Variants in ZC2HC1A observed in about 807,000 individuals in gnomAD.
ZC2HC1A encodes the protein zinc finger C2HC domain-containing protein 1A.
ZC2HC1A carries 28 observed loss-of-function variants against 40.7 expected under a neutral mutation model. That is an observed-to-expected ratio of 0.69 (90% CI 0.51 to 0.94). The LOEUF (loss-of-function observed/expected upper bound fraction) is 0.94, where lower values mean the gene tolerates loss of function less well. Among genes scored for constraint, ZC2HC1A ranks in the 40% least tolerant of loss-of-function variants. ZC2HC1A has a pLI of 0.00. For synonymous variants in ZC2HC1A, 129 were observed against 129.2 expected (o/e 1.00, Z 0.01); for missense variants, 389 against 386.3 (o/e 1.01, Z -0.06).
At chr8:78,716,012 C>G (rs1049361399) in intron 8 of ZC2HC1A, among the ~76,000 whole-genome samples, 6 of 144,396 alleles carry the variant, frequency 4.2e-5, no homozygotes, top group African/African-American at 7.7e-5. Context: ...TGCACTCCAG[C>G]CTCAGTGACA....
rs9298317 is a variant in ZC2HC1A, at chr8:78,719,524, T to C, written c.*2031T>C. On this transcript the variant is annotated 3_prime_UTR_variant, in exon 9 of 9. Coordinates refer to ENST00000263849, the MANE Select transcript of ZC2HC1A (RefSeq NM_016010.3). ...TGCAATAGTTCAGTTTTAAAAAAAA[T>C]CTTCCTATGCATCATGTATTTTATT... 9.9e-5 allele frequency: 15 copies of C among 151,810 alleles called. No individual in the cohort carries two copies. The highest frequency in any genetic ancestry group is 3.6e-4 in the African/African-American group (15 of 41,434). 9.4% of individuals were successfully genotyped at this position (151,810 alleles called of 1,614,324 possible).
chr8:78,712,070 G>A, intron 7 of ZC2HC1A: 1 of 1,289,552 alleles, frequency 7.8e-7, no homozygotes, highest in South Asian at 1.2e-5. Context: ...AAATCAGACA[G>A]TGCCATCAAA....
At chr8:78,681,716 A>G (rs981093137) in intron 3 of ZC2HC1A, among the ~76,000 whole-genome samples, 2 of 152,074 alleles carry the variant, frequency 1.3e-5, no homozygotes, top group African/African-American at 4.8e-5. Flanking sequence ...AAAATAAATG[A>G]CATTTTGATT....
intron 7 of ZC2HC1A, among the ~76,000 whole-genome samples, chr8:78,708,163 C>T (rs1810838013): frequency 6.6e-6 from 1 of 152,092 alleles, no homozygotes; most frequent in Non-Finnish European, 1.5e-5. Flanking sequence ...TGAATTAAGA[C>T]ATTTGGTCAG....
intron 7 of ZC2HC1A, among the ~76,000 whole-genome samples, chr8:78,705,449 C>T (rs1251759296): frequency 1.3e-5 from 2 of 152,310 alleles, no homozygotes; most frequent in African/African-American, 2.4e-5. Context: ...TGCCCCTCCT[C>T]CTGGGAGCTT....
chr8:78,707,570 A>G (rs1440270287), intron 7 of ZC2HC1A, among the ~76,000 whole-genome samples: 1 of 152,224 alleles, frequency 6.6e-6, no homozygotes, highest in African/African-American at 2.4e-5. Flanking sequence ...TGAGTACAAT[A>G]ATTTTGTCAG....
At chr8:78,714,544 A>G (rs553349286) in intron 7 of ZC2HC1A, among the ~76,000 whole-genome samples, 1 of 152,258 alleles carries the variant, frequency 6.6e-6, no homozygotes, top group African/African-American at 2.4e-5. Context: ...ATTTGAATCT[A>G]AATTCATTTG....
intron 2 of ZC2HC1A, among the ~76,000 whole-genome samples, chr8:78,678,209 A>G (rs936287949): frequency 1.3e-5 from 2 of 152,130 alleles, no homozygotes; most frequent in Non-Finnish European, 2.9e-5. Flanking sequence ...GCAGTCCAGT[A>G]GGTTTCAGCC....
intron 2 of ZC2HC1A, 187 bp downstream of exon 2, chr8:78,676,050 T>C: frequency 2.4e-6 from 1 of 423,966 alleles, no homozygotes; most frequent in Non-Finnish European, 4.1e-6. Context: ...CTTCAGAGTT[T>C]GGTCTTCAGA....
At chr8:78,686,737 G>A (rs1035830233) in intron 4 of ZC2HC1A, 129 bp downstream of exon 4, 9 of 975,462 alleles carry the variant, frequency 9.2e-6, no homozygotes, top group Middle Eastern at 7.5e-4. Flanking sequence ...TTAAAATTTG[G>A]TGTAAAATGG....
chr8:78,667,516 T>C (rs1247802951), intron 1 of ZC2HC1A, among the ~76,000 whole-genome samples: 4 of 152,154 alleles, frequency 2.6e-5, no homozygotes, highest in Non-Finnish European at 5.9e-5. Context: ...ATAAAGTGTT[T>C]TGAACAGTTT....
At chr8:78,673,670 G>A (rs898551117) in intron 1 of ZC2HC1A, among the ~76,000 whole-genome samples, 2 of 152,164 alleles carry the variant, frequency 1.3e-5, no homozygotes, top group Non-Finnish European at 2.9e-5. Flanking sequence ...TTGGAGAATT[G>A]TTACCTTGCT....
intron 3 of ZC2HC1A, among the ~76,000 whole-genome samples, chr8:78,682,211 A>C (rs1365896540): frequency 2.0e-5 from 3 of 152,218 alleles, no homozygotes; most frequent in African/African-American, 7.2e-5. Context: ...GGCAGTTCCC[A>C]TTAAAATCAA....
chr8:78,707,414 T>G (rs1810807439), intron 7 of ZC2HC1A, among the ~76,000 whole-genome samples: 1 of 152,226 alleles, frequency 6.6e-6, no homozygotes, highest in Non-Finnish European at 1.5e-5. Flanking sequence ...GCTTTGGGCA[T>G]GTATCTCTTT....
chr8:78,675,720 C>A, intron 1 of ZC2HC1A, 67 bp from the exon 2 acceptor site: 2 of 1,391,662 alleles, frequency 1.4e-6, no homozygotes, highest in Non-Finnish European at 2.0e-6. Context: ...TAAGAGAAAA[C>A]ATTAAAATGT....
chr8:78,686,256 C>T (rs142215953), intron 3 of ZC2HC1A, among the ~76,000 whole-genome samples: 87 of 152,036 alleles, frequency 5.7e-4, no homozygotes, highest in African/African-American at 2.0e-3. Flanking sequence ...GTGTCTTTCG[C>T]GATGACACTT....
chr8:78,675,719 A>G (rs1415647319), intron 1 of ZC2HC1A, 68 bp from the exon 2 acceptor site: 33 of 1,389,902 alleles, frequency 2.4e-5, no homozygotes, highest in Non-Finnish European at 3.1e-5. Flanking sequence ...CTAAGAGAAA[A>G]CATTAAAATG....
intron 1 of ZC2HC1A, among the ~76,000 whole-genome samples, chr8:78,672,226 A>T (rs954879690): frequency 1.3e-5 from 2 of 152,072 alleles, no homozygotes; most frequent in Non-Finnish European, 2.9e-5. Context: ...ATATTTTTTT[A>T]AAAATTATTT....
chr8:78,706,303 G>T (rs1810769201), intron 7 of ZC2HC1A, among the ~76,000 whole-genome samples: 2 of 152,066 alleles, frequency 1.3e-5, no homozygotes, highest in African/African-American at 4.8e-5. Flanking sequence ...TTTTCCTAAG[G>T]GTATGTACGG....
Sources: allele counts gnomAD v4.1 joint callset (sites outside exome capture counted in the v4.1 genomes callset), GRCh38; gene constraint gnomAD v4.1.1; transcripts MANE v1.5; gene names NCBI Gene and HGNC (gene_info 2026-07-23, HGNC 2026-07-21).